CENPP: variants seen among roughly 807,000 people sequenced by gnomAD.
The protein encoded by CENPP is centromere protein P.
CENPP carries 24 observed loss-of-function variants against 35.6 expected under a neutral mutation model. That is an observed-to-expected ratio of 0.67 (90% CI 0.49 to 0.95). CENPP has a LOEUF of 0.95. Ranked by LOEUF, CENPP falls within the 40% of genes least tolerant of loss-of-function variation. The probability of loss-of-function intolerance (pLI) is 0.00; values close to 1 mark genes in which losing one functional copy is unlikely to be tolerated. For missense variants in CENPP, 332 were observed against 345.3 expected (o/e 0.96, Z 0.31); for synonymous variants, 120 against 125.5 (o/e 0.96, Z 0.29).
At chr9:92,484,680 G>C (rs1846014937) in intron 5 of CENPP, among the ~76,000 whole-genome samples, 2 of 152,174 alleles carry the variant, frequency 1.3e-5, no homozygotes, top group Admixed American at 1.3e-4. Context: ...CATGGCAACT[G>C]TTGTCTCTGG....
chr9:92,481,305 A>G (rs937163165), intron 5 of CENPP, among the ~76,000 whole-genome samples: 2 of 152,254 alleles, frequency 1.3e-5, no homozygotes, highest in Non-Finnish European at 2.9e-5. Context: ...AACTAAAAAC[A>G]TCAGGATCCT....
intron 2 of CENPP, among the ~76,000 whole-genome samples, chr9:92,335,737 T>G (rs1181564716): frequency 3.9e-5 from 6 of 152,352 alleles, no homozygotes; most frequent in African/African-American, 1.4e-4. Flanking sequence ...TCTGTTCTAT[T>G]GACCTATTTG....
At chr9:92,516,074 C>T (rs193022164) in intron 5 of CENPP, among the ~76,000 whole-genome samples, 1 of 140,040 alleles carries the variant, frequency 7.1e-6, no homozygotes, top group African/African-American at 2.5e-5. Flanking sequence ...CTTTTTTTTC[C>T]CCCCCCCGAG....
chr9:92,472,076 G>A (rs1410654189), intron 5 of CENPP, among the ~76,000 whole-genome samples: 4 of 152,138 alleles, frequency 2.6e-5, no homozygotes, highest in African/African-American at 9.7e-5. Flanking sequence ...AATTGGTCAG[G>A]CATGGTGCCT....
At chr9:92,512,045 ATAT>A (rs1416740451) in intron 5 of CENPP, 4 of 1,613,488 alleles carry the variant, frequency 2.5e-6, no homozygotes, top group Non-Finnish European at 3.4e-6. Context: ...TGAAGAAGTG[ATAT>A]TATTTTTACT....
chr9:92,327,040 A>G (rs147508822), intron 1 of CENPP, among the ~76,000 whole-genome samples: 326 of 152,340 alleles, frequency 2.1e-3, no homozygotes, highest in South Asian at 4.1e-3. Context: ...TAAATGTATT[A>G]AAGACCCTTG....
intron 5 of CENPP, among the ~76,000 whole-genome samples, chr9:92,444,775 G>A (rs1844509383): frequency 6.6e-6 from 1 of 152,108 alleles, no homozygotes; most frequent in Non-Finnish European, 1.5e-5. Context: ...GTGGGGAGAG[G>A]GCGTGTGCAA....
At chr9:92,327,618 A>G (rs1012038764) in intron 1 of CENPP, among the ~76,000 whole-genome samples, 1 of 152,256 alleles carries the variant, frequency 6.6e-6, no homozygotes, top group African/African-American at 2.4e-5. Context: ...AAGCAAAGGT[A>G]CTTAAGTACA....
chr9:92,462,160 T>C (rs1354286542), intron 5 of CENPP, among the ~76,000 whole-genome samples: 2 of 152,244 alleles, frequency 1.3e-5, no homozygotes, highest in East Asian at 3.9e-4. Context: ...GCATTTTTGA[T>C]AGACATGGGG....
chr9:92,521,852 A>G (rs936140142), intron 5 of CENPP, among the ~76,000 whole-genome samples: 32 of 152,300 alleles, frequency 2.1e-4, no homozygotes, highest in African/African-American at 7.0e-4. Flanking sequence ...TCTGTATTCT[A>G]GATGATCTAT....
intron 5 of CENPP, among the ~76,000 whole-genome samples, chr9:92,451,541 G>A (rs1844708983): frequency 6.6e-6 from 1 of 152,290 alleles, no homozygotes. Context: ...GATGCCTCCA[G>A]CTTTGTTCTT....
chr9:92,460,819 G>A (rs945275615), intron 5 of CENPP, among the ~76,000 whole-genome samples: 1 of 152,050 alleles, frequency 6.6e-6, no homozygotes, highest in African/African-American at 2.4e-5. Context: ...TGAGATAACA[G>A]GTATGCACCA....
intron 5 of CENPP, chr9:92,466,490 G>C: frequency 1.2e-6 from 2 of 1,613,742 alleles, no homozygotes; most frequent in East Asian, 2.2e-5. Flanking sequence ...TTGTGGGACA[G>C]ATACAGCCTT....
At chr9:92,515,787 C>T (rs1252809236) in intron 5 of CENPP, among the ~76,000 whole-genome samples, 1 of 152,222 alleles carries the variant, frequency 6.6e-6, no homozygotes, top group Non-Finnish European at 1.5e-5. Context: ...TCCTCCTTCT[C>T]TGTCCCAGAC....
intron 5 of CENPP, chr9:92,511,945 T>C: frequency 7.9e-7 from 1 of 1,259,018 alleles, no homozygotes; most frequent in Non-Finnish European, 1.1e-6. Flanking sequence ...CCCTTCCCCA[T>C]CTCCAACCAA....
At chr9:92,472,689 G>A (rs1272091004) in intron 5 of CENPP, among the ~76,000 whole-genome samples, 1 of 151,968 alleles carries the variant, frequency 6.6e-6, no homozygotes, top group Non-Finnish European at 1.5e-5. Flanking sequence ...AAATAAAATT[G>A]ATACTTTCTT....
chr9:92,423,759 G>A (rs1272351571), intron 5 of CENPP, among the ~76,000 whole-genome samples: 1 of 152,122 alleles, frequency 6.6e-6, no homozygotes, highest in Non-Finnish European at 1.5e-5. Flanking sequence ...AGAGAAATTT[G>A]GAGAAAATCT....
intron 5 of CENPP, among the ~76,000 whole-genome samples, chr9:92,445,345 G>A (rs1403113296): frequency 6.6e-6 from 1 of 152,048 alleles, no homozygotes; most frequent in Non-Finnish European, 1.5e-5. Flanking sequence ...TAGCATCTCT[G>A]TCTTCCCTCA....
intron 5 of CENPP, among the ~76,000 whole-genome samples, chr9:92,397,964 A>G (rs181233026): frequency 6.6e-6 from 1 of 152,098 alleles, no homozygotes; most frequent in Admixed American, 6.5e-5. Flanking sequence ...TTCCAAACCA[A>G]CTCCACAGTG....
Sources: gnomAD v4.1 joint callset for allele counts (sites outside exome capture counted in the v4.1 genomes callset) on GRCh38, gnomAD v4.1.1 for gene constraint, MANE v1.5 for transcripts, NCBI Gene and HGNC (gene_info 2026-07-23, HGNC 2026-07-21) for gene names.